The following NAV3 variants were observed in gnomAD, a reference collection of about 807,000 sequenced individuals.
NAV3 encodes pore membrane and/or filament interacting like protein 1.
NAV3 carries 87 observed loss-of-function variants against 244.7 expected under a neutral mutation model. The observed-to-expected ratio is 0.36, with a 90% confidence interval of 0.30 to 0.42. The LOEUF is 0.42. NAV3 is among the 20% of genes least tolerant of loss of function. The pLI is 1.00. For missense variants in NAV3, 2,663 were observed against 2,893.3 expected (o/e 0.92, Z 1.83); for synonymous variants, 1,126 against 1,042.2 (o/e 1.08, Z -1.55).
intron 2 of NAV3, among the ~76,000 whole-genome samples, chr12:77,778,140 C>A (rs1258106834): frequency 4.6e-5 from 4 of 87,172 alleles, no homozygotes; most frequent in African/African-American, 1.0e-4. Flanking sequence ...CCCTTCCTTC[C>A]CCCTCCCCTC....
intron 5 of NAV3, among the ~76,000 whole-genome samples, chr12:77,984,540 T>C (rs932399292): frequency 3.3e-5 from 5 of 151,868 alleles, no homozygotes; most frequent in Admixed American, 2.6e-4. Context: ...CTAAGTGATC[T>C]GCAATTTGGT....
intron 12 of NAV3, among the ~76,000 whole-genome samples, chr12:78,105,676 G>T (rs1317500562): frequency 6.6e-6 from 1 of 151,414 alleles, no homozygotes; most frequent in Non-Finnish European, 1.5e-5. Context: ...AACTTTTTCT[G>T]CATTTTATCT....
rs143241072 is a variant in NAV3 at position 77,977,708 on chromosome 12, ACG to A, written c.671+9010_671+9011del. Among the ~76,000 whole-genome samples the A allele has an allele frequency of 7.3e-3, 535 of 73,352 alleles. 2 individuals are homozygous for A. Among genetic ancestry groups the A allele is most frequent in the Admixed American group, 0.014 (82 of 5,710 alleles). The allele number at this position is 73,352 out of a possible 152,430, so 48.1% of individuals were successfully genotyped here. ...TATATATACACACACACACACACAC[ACG>A]CGCACACACACACACACACACACAC... On this transcript the variant is annotated intron_variant, in intron 5 of 39. Coordinates refer to ENST00000397909, the MANE Select transcript of NAV3 (RefSeq NM_001024383.2).
chr12:78,157,223 T>C (rs1957339500), intron 22 of NAV3, among the ~76,000 whole-genome samples: 1 of 151,898 alleles, frequency 6.6e-6, no homozygotes, highest in South Asian at 2.1e-4. Context: ...TTTGTTCACT[T>C]TTATATATGT....
chr12:77,734,845 T>C (rs1226960184), intron 2 of NAV3, among the ~76,000 whole-genome samples: 1 of 152,160 alleles, frequency 6.6e-6, no homozygotes, highest in African/African-American at 2.4e-5. Flanking sequence ...AAGTAAATAC[T>C]AGAACGCAAA....
At chr12:78,037,318 A>G (rs1233085745) in intron 9 of NAV3, 3 of 702,916 alleles carry the variant, frequency 4.3e-6, no homozygotes, top group Admixed American at 2.0e-5. Context: ...GGGACAGCTC[A>G]TCTGGATGAG....
intron 9 of NAV3, among the ~76,000 whole-genome samples, chr12:78,038,814 T>C (rs1361209790): frequency 1.3e-5 from 2 of 152,218 alleles, no homozygotes; most frequent in Non-Finnish European, 2.9e-5. Flanking sequence ...TTATTTATCT[T>C]GTTCTCAGTA....
At chr12:77,964,333 G>A (rs916668855) in intron 3 of NAV3, among the ~76,000 whole-genome samples, 6 of 152,122 alleles carry the variant, frequency 3.9e-5, no homozygotes, top group African/African-American at 1.2e-4. Flanking sequence ...AATCACATTT[G>A]GGTCAGAAAT....
At chr12:78,135,206 T>C (rs1458588681) in intron 18 of NAV3, among the ~76,000 whole-genome samples, 2 of 152,232 alleles carry the variant, frequency 1.3e-5, no homozygotes, top group African/African-American at 4.8e-5. Context: ...TTAACTTTTC[T>C]CCTTCTTCAG....
At chr12:78,068,998 A>G (rs1033795564) in intron 12 of NAV3, among the ~76,000 whole-genome samples, 1 of 151,686 alleles carries the variant, frequency 6.6e-6, no homozygotes, top group Non-Finnish European at 1.5e-5. Context: ...TAATAGGCTA[A>G]CTAATGGGTT....
chr12:78,152,330 T>A (rs769997552), intron 22 of NAV3, among the ~76,000 whole-genome samples: 3 of 151,786 alleles, frequency 2.0e-5, no homozygotes, highest in Non-Finnish European at 4.4e-5. Context: ...TGTATATAAA[T>A]GACTATTAAA....
chr12:77,701,526 T>C (rs1470529924), intron 2 of NAV3, among the ~76,000 whole-genome samples: 1 of 151,964 alleles, frequency 6.6e-6, no homozygotes, highest in Non-Finnish European at 1.5e-5. Flanking sequence ...TTTTTCATAC[T>C]CTTCATTTTA....
intron 2 of NAV3, among the ~76,000 whole-genome samples, chr12:77,574,011 T>A (rs1425430138): frequency 1.3e-5 from 2 of 152,168 alleles, no homozygotes; most frequent in African/African-American, 4.8e-5. Flanking sequence ...GCTCAGCTCA[T>A]ACATAACATA....
chr12:78,007,782 C>T (rs181313155), intron 8 of NAV3, among the ~76,000 whole-genome samples: 32 of 152,280 alleles, frequency 2.1e-4, no homozygotes, highest in African/African-American at 6.7e-4. Context: ...CTATTACTAG[C>T]GGCAGACTTT....
chr12:77,823,034 A>G lies in NAV3; in HGVS notation c.73-117285A>G, dbSNP rs1466077751. ...AGCAATATTATTCAGCCACTGGACA[A>G]TAGACAATACAGGACAATGGTTCCT... On this transcript the variant is annotated intron_variant, in intron 2 of 8. Coordinates refer to the NAV3 transcript ENST00000550042. Among the ~76,000 whole-genome samples the G allele has an allele frequency of 2.0e-5, 3 of 152,336 alleles. No individual in the cohort carries two copies. The South Asian group carries it at 6.2e-4, about 32-fold the overall frequency.
chr12:77,677,110 AC>A (rs1300585927), intron 2 of NAV3, among the ~76,000 whole-genome samples: 1 of 152,170 alleles, frequency 6.6e-6, no homozygotes, highest in Non-Finnish European at 1.5e-5. Flanking sequence ...ACCCATCCCC[AC>A]ATTTAACCAG....
At chr12:77,957,379 A>C (rs953695015) in intron 3 of NAV3, among the ~76,000 whole-genome samples, 2 of 152,226 alleles carry the variant, frequency 1.3e-5, no homozygotes, top group Admixed American at 6.5e-5. Flanking sequence ...ATCACAAACT[A>C]TAAGGAGGTT....
At position 77,577,059 on chromosome 12, in the gene NAV3, CAT is replaced by C. The variant is rs539674196; in HGVS notation, c.72+4795_72+4796del. On this transcript the variant is annotated intron_variant, in intron 2 of 8. Coordinates refer to the NAV3 transcript ENST00000550042. ...TTATCTAAACTTCTCATTTTTGAAA[CAT>C]AGCCATTTTATAATGTTACTATATA... 9.7e-4 allele frequency among the ~76,000 whole-genome samples: 148 copies of C among 152,202 alleles called. 1 individual carries two copies. Among genetic ancestry groups the C allele is most frequent in the Middle Eastern group, 3.4e-3 (1 of 294 alleles).
At chr12:78,107,397 A>G (rs773921465) in intron 12 of NAV3, among the ~76,000 whole-genome samples, 4 of 152,184 alleles carry the variant, frequency 2.6e-5, no homozygotes, top group East Asian at 1.9e-4. Flanking sequence ...AGGAGGCTCA[A>G]TGGTCCCCAG....
Sources: gnomAD v4.1 joint callset for allele counts (sites outside exome capture counted in the v4.1 genomes callset) on GRCh38, gnomAD v4.1.1 for gene constraint, MANE v1.5 for transcripts, NCBI Gene and HGNC (gene_info 2026-07-23, HGNC 2026-07-21) for gene names.